Variants in SUPT3H observed in about 807,000 individuals in gnomAD.
SUPT3H encodes the protein transcription initiation protein SPT3 homolog.
Under a neutral mutation model 44.3 loss-of-function variants are expected in SUPT3H, and 44 were observed. That is an observed-to-expected ratio of 0.99 (90% confidence interval 0.78 to 1.28). The LOEUF (loss-of-function observed/expected upper bound fraction) is 1.28, where lower values mean the gene tolerates loss of function less well. SUPT3H is among the 50% of genes most tolerant of loss of function. The pLI, the probability that SUPT3H is intolerant of heterozygous loss-of-function variation, is 0.00. For missense variants in SUPT3H, 380 were observed against 387.1 expected (o/e 0.98, Z 0.15); for synonymous variants, 124 against 125.6 (o/e 0.99, Z 0.09).
intron 2 of SUPT3H, among the ~76,000 whole-genome samples, chr6:45,188,740 A>T (rs1165028405): frequency 1.3e-5 from 2 of 151,370 alleles, no homozygotes; most frequent in South Asian, 2.1e-4. Context: ...TTCATGATTT[A>T]AAAAAAAAAA....
At chr6:45,025,728 A>AC (rs1002859826) in intron 3 of SUPT3H, among the ~76,000 whole-genome samples, 2 of 118,524 alleles carry the variant, frequency 1.7e-5, no homozygotes, top group Non-Finnish European at 3.5e-5. Flanking sequence ...CTAAAAATAC[A>AC]AAAAATGAGC....
In SUPT3H at chr6:44,809,980, A is replaced by C. The variant is rs79435892; in HGVS notation, c.*53-479T>G. On this transcript the variant is annotated intron_variant and NMD_transcript_variant, in intron 11 of 11. Coordinates refer to the SUPT3H transcript ENST00000475057. ...TTTCTTAGTGCCAGATCCACGGAGG[A>C]AACAAACCTTGTGGTGAAGGGGCCA... is the stretch of plus-strand genomic sequence containing the variant. 3.3e-3 allele frequency among the ~76,000 whole-genome samples: 498 copies of C among 152,300 alleles called. 1 individual carries two copies. The highest frequency in any genetic ancestry group is 5.6e-3 in the Non-Finnish European group (379 of 68,024).
intron 10 of SUPT3H, among the ~76,000 whole-genome samples, chr6:44,889,330 C>G (rs993128755): frequency 6.6e-6 from 1 of 152,296 alleles, no homozygotes; most frequent in African/African-American, 2.4e-5. Flanking sequence ...GCCAAAAGAA[C>G]AAAGTTGGAG....
intron 3 of SUPT3H, chr6:45,097,486 C>G (rs1227099657): frequency 6.6e-6 from 1 of 152,200 alleles, no homozygotes; most frequent in African/African-American, 2.4e-5. Flanking sequence ...TTAAGATGGG[C>G]CAGCACAAGG....
intron 2 of SUPT3H, among the ~76,000 whole-genome samples, chr6:45,361,950 C>T (rs937105152): frequency 1.3e-5 from 2 of 152,138 alleles, no homozygotes; most frequent in Non-Finnish European, 2.9e-5. Flanking sequence ...ACTTGGGAGG[C>T]TGAAGCAGGA....
chr6:44,813,589 A>C (rs1390970455), intron 11 of SUPT3H, among the ~76,000 whole-genome samples: 1 of 151,384 alleles, frequency 6.6e-6, no homozygotes, highest in Non-Finnish European at 1.5e-5. Flanking sequence ...AAAAAAAAAA[A>C]CAGACAACAG....
At chr6:45,230,565 A>ATCCATCTCT (rs1554294566) in intron 2 of SUPT3H, among the ~76,000 whole-genome samples, 3 of 146,988 alleles carry the variant, frequency 2.0e-5, no homozygotes, top group African/African-American at 7.5e-5. Flanking sequence ...GACTATCCTT[A>ATCCATCTCT]TCCATCCCTT....
chr6:45,204,837 T>C (rs1762980509), intron 2 of SUPT3H, among the ~76,000 whole-genome samples: 2 of 152,174 alleles, frequency 1.3e-5, no homozygotes, highest in Non-Finnish European at 2.9e-5. Flanking sequence ...CACCAGATCC[T>C]ATTATTATTC....
At chr6:44,829,908 G>C (rs760778475) in intron 10 of SUPT3H, 51 bp from the exon 11 acceptor site, 1 of 1,581,030 alleles carries the variant, frequency 6.3e-7, no homozygotes, top group African/African-American at 1.3e-5. Context: ...AGTCAAACAA[G>C]GAAAGGAGGC....
rs778819613 is a variant in SUPT3H at position 45,133,595 on chromosome 6, C to T, written c.102-27589G>A. 1.3e-3 allele frequency among the ~76,000 whole-genome samples: 192 copies of T among 152,240 alleles called. 2 individuals carry two copies. Among genetic ancestry groups the T allele is most frequent in the Admixed American group, 5.2e-3 (79 of 15,284 alleles). ...ACTATTTCAGCACTCAGAAAACCAACCATAGGCTTACAAAAATCTGAGATG... is the reference window on the plus strand; with the variant it reads ...ACTATTTCAGCACTCAGAAAACCAATCATAGGCTTACAAAAATCTGAGATG... On this transcript the variant is annotated intron_variant, in intron 2 of 10. Transcript: ENST00000371459.
intron 3 of SUPT3H, among the ~76,000 whole-genome samples, chr6:45,048,321 T>C (rs1789751464): frequency 6.7e-6 from 1 of 150,312 alleles, no homozygotes; most frequent in Non-Finnish European, 1.5e-5. Context: ...TGGGTTCATA[T>C]CCAAAAAATC....
At chr6:45,201,514 A>G (rs370902051) in intron 2 of SUPT3H, among the ~76,000 whole-genome samples, 4 of 151,868 alleles carry the variant, frequency 2.6e-5, no homozygotes, top group Middle Eastern at 3.2e-3. Context: ...AAATTTATAT[A>G]AACTTAAAAA....
chr6:45,040,960 T>C (rs908589790), intron 3 of SUPT3H, among the ~76,000 whole-genome samples: 4 of 152,138 alleles, frequency 2.6e-5, no homozygotes, highest in Admixed American at 1.3e-4. Context: ...CAAACAAATC[T>C]CACCAGAGAA....
chr6:45,327,237 C>G (rs1026698766), intron 2 of SUPT3H, among the ~76,000 whole-genome samples: 1 of 151,910 alleles, frequency 6.6e-6, no homozygotes, highest in Non-Finnish European at 1.5e-5. Context: ...TTACTACACA[C>G]AGCATTTTGT....
At chr6:44,960,042 C>G (rs1021839646) in intron 7 of SUPT3H, among the ~76,000 whole-genome samples, 1 of 152,072 alleles carries the variant, frequency 6.6e-6, no homozygotes, top group Non-Finnish European at 1.5e-5. Context: ...ATGACCAAGT[C>G]CTTCCACTCT....
At chr6:44,956,587 C>T (rs1190862154) in intron 7 of SUPT3H, among the ~76,000 whole-genome samples, 1 of 151,336 alleles carries the variant, frequency 6.6e-6, no homozygotes, top group Non-Finnish European at 1.5e-5. Flanking sequence ...CTAATCTAAG[C>T]CTGTGGTTAC....
chr6:45,119,678 T>C (rs565107262), intron 2 of SUPT3H, among the ~76,000 whole-genome samples: 2 of 152,232 alleles, frequency 1.3e-5, no homozygotes, highest in Admixed American at 1.3e-4. Flanking sequence ...AAGAGTGGAA[T>C]TAGGTTATGC....
intron 5 of SUPT3H, among the ~76,000 whole-genome samples, chr6:45,008,417 C>T (rs1431944396): frequency 6.6e-6 from 1 of 152,090 alleles, no homozygotes; most frequent in Non-Finnish European, 1.5e-5. Context: ...TGAAGTGGTG[C>T]AGTCACAGCA....
intron 5 of SUPT3H, among the ~76,000 whole-genome samples, chr6:45,006,137 T>C (rs1483047822): frequency 6.6e-6 from 1 of 152,132 alleles, no homozygotes; most frequent in Non-Finnish European, 1.5e-5. Context: ...GATGCTAATA[T>C]TGCCACTTCC....
Sources: gnomAD v4.1 joint callset for allele counts (sites outside exome capture counted in the v4.1 genomes callset) on GRCh38, gnomAD v4.1.1 for gene constraint, MANE v1.5 for transcripts, NCBI Gene and HGNC (gene_info 2026-07-23, HGNC 2026-07-21) for gene names.